Variants in PIEZO2 observed in about 807,000 individuals in gnomAD.
PIEZO2 encodes piezo type mechanosensitive ion channel component 2.
PIEZO2 carries 172 observed loss-of-function variants against 337.3 expected under a neutral mutation model. That is an observed-to-expected ratio of 0.51 (90% CI 0.45 to 0.58). The LOEUF (loss-of-function observed/expected upper bound fraction) is 0.58, where lower values mean the gene tolerates loss of function less well. Among genes scored for constraint, PIEZO2 ranks in the 20% least tolerant of loss-of-function variants. The pLI, the probability that PIEZO2 is intolerant of heterozygous loss-of-function variation, is 0.00. For synonymous variants in PIEZO2, 1,251 were observed against 1,228.5 expected, an observed-to-expected ratio of 1.02 and a Z score of -0.38; for missense variants, 3,028 against 3,391.3, an observed-to-expected ratio of 0.89 and a Z score of 2.66.
chr18:10,761,062 C>T lies in PIEZO2; in HGVS notation c.3299G>A (p.Arg1100His), dbSNP rs371576361. Residue 1100 changes from arginine (R) to histidine (H), a missense_variant, in exon 24 of 56, where the codon CGC (arginine) becomes CAC (histidine). Around this residue, in one of 5 missense-constraint regions of PIEZO2, gnomAD observed 1,925 missense variants for 2,051.9 expected, o/e 0.94. Coordinates refer to ENST00000674853, the MANE Select transcript of PIEZO2 (RefSeq NM_001378183.1). The stretch of plus-strand genomic sequence containing the variant: ...TCGACCTCGATAGTATTCCTGATGG[C>T]GGTAAATGGTGACTTCAAAGGCCAG... ...AILAFEVTIY[R>H]HQEYYRGRNN... The T allele has an allele frequency of 1.3e-4, 204 of 1,537,034 alleles. No homozygotes were observed. The highest frequency in any genetic ancestry group is 3.3e-4 in the Middle Eastern group (2 of 6,012).
rs1213420741 is a variant in PIEZO2, at chr18:11,027,569, T to C, written c.160+38558A>G. On this transcript the variant is annotated intron_variant, in intron 2 of 55. Transcript: ENST00000674853. The surrounding 1 kb of genome is among the most constrained non-coding windows in gnomAD (Gnocchi z 4.2). ...ATAATCTTTAACTTCACAATTCATC[T>C]GTATGCTTCTGTTTGGTTTTAACTG... 1.3e-5 allele frequency among the ~76,000 whole-genome samples: 2 copies of C among 152,238 alleles called. No individual in the cohort carries two copies. The highest frequency in any genetic ancestry group is 4.8e-5 in the African/African-American group (2 of 41,472).
At chr18:10,742,833 C>A (rs2037280239) in intron 31 of PIEZO2, among the ~76,000 whole-genome samples, 2 of 146,042 alleles carry the variant, frequency 1.4e-5, no homozygotes, top group South Asian at 4.4e-4. Flanking sequence ...TGTGTGTATT[C>A]CCATGTTATT....
intron 2 of PIEZO2, among the ~76,000 whole-genome samples, chr18:11,034,284 CA>C (rs1175766841): frequency 6.6e-6 from 1 of 151,636 alleles, no homozygotes; most frequent in Non-Finnish European, 1.5e-5. Context: ...TTAAATGTAT[CA>C]TTTCTTTTCT....
chr18:10,812,122 T>C (rs935945335), intron 7 of PIEZO2, among the ~76,000 whole-genome samples: 12 of 152,226 alleles, frequency 7.9e-5, no homozygotes, highest in African/African-American at 2.4e-4. Flanking sequence ...CGTGAGCCAC[T>C]GCGCCCGGCC....
At chr18:10,791,415 T>C in intron 13 of PIEZO2, 91 bp from the exon 14 acceptor site, 2 of 1,330,454 alleles carry the variant, frequency 1.5e-6, no homozygotes, top group South Asian at 3.1e-5. Context: ...CGCATTCCAG[T>C]GGGAGCACAA....
At chr18:10,681,542 T>A in intron 51 of PIEZO2, 119 bp downstream of exon 51, 1 of 771,568 alleles carries the variant, frequency 1.3e-6, no homozygotes, top group Non-Finnish European at 2.2e-6. Context: ...ATGTAACTGA[T>A]AAACCCTGAA....
chr18:10,727,027 G>A lies in PIEZO2; in HGVS notation c.5029+4380C>T. The A allele has an allele frequency of 1.4e-6, 1 of 738,224 alleles. No homozygotes were observed. Among genetic ancestry groups the A allele is most frequent in the Admixed American group, 3.1e-5 (1 of 32,594 alleles). 45.7% of individuals were successfully genotyped at this position (738,224 alleles called of 1,614,324 possible). A position where few individuals can be genotyped will look rare whatever the true frequency, so the allele number is the denominator to read the frequency against. ...GAAGCTGTTTGCTCTGTGCTTCCACGGTCTGGGTGTTTCTTGGGGGGTGTT... is the reference window on the plus strand; with the variant it reads ...GAAGCTGTTTGCTCTGTGCTTCCACAGTCTGGGTGTTTCTTGGGGGGTGTT... On this transcript the variant is annotated intron_variant, in intron 36 of 55. Coordinates refer to ENST00000674853, the MANE Select transcript of PIEZO2 (RefSeq NM_001378183.1). The surrounding 1 kb of genome is among the most constrained non-coding windows in gnomAD (Gnocchi z 6.3).
chr18:10,994,564 C>A (rs1471422347), intron 2 of PIEZO2, among the ~76,000 whole-genome samples: 5 of 151,608 alleles, frequency 3.3e-5, no homozygotes, highest in Admixed American at 6.6e-5. Context: ...TGCATGCCAC[C>A]ATGCCTAATT....
chr18:10,776,919 T>C (rs1396384510), intron 18 of PIEZO2, among the ~76,000 whole-genome samples: 1 of 152,226 alleles, frequency 6.6e-6, no homozygotes, highest in East Asian at 1.9e-4. Flanking sequence ...AAAGAACTTA[T>C]AAGACTTGTA....
rs143358954 is a variant in PIEZO2, at chr18:10,845,200, G to GTATA, written c.917+10149_917+10152dup. On this transcript the variant is annotated intron_variant, in intron 7 of 55. Transcript: ENST00000674853. ...AATTTTTCCCATTGTGTGTGTGTGT[G>GTATA]TATATATATATATAAACACACACAC... Among the ~76,000 whole-genome samples, 274 of 149,212 alleles carry GTATA rather than the reference G, an allele frequency of 1.8e-3. 3 individuals carry two copies. In the Middle Eastern group the frequency reaches 0.028, roughly 15 times the overall value.
intron 3 of PIEZO2, among the ~76,000 whole-genome samples, chr18:10,934,636 C>CGTGTGTGTGTGTGT (rs59190236): frequency 0.022 from 2,879 of 130,778 alleles, 84 homozygotes; most frequent in Admixed American, 0.047. Flanking sequence ...ATTGTGTGTA[C>CGTGTGTGTGTGTGT]GTGTGTGTGT....
At position 11,047,913 on chromosome 18, in the gene PIEZO2, AG is replaced by A; in HGVS notation, c.160+18213del. Among the ~76,000 whole-genome samples the A allele has an allele frequency of 6.6e-6, 1 of 152,336 alleles. No individual in the cohort carries two copies. The highest frequency in any genetic ancestry group is 6.5e-5 in the Admixed American group (1 of 15,298). The stretch of plus-strand genomic sequence containing the variant: ...AGAGTTAATGGCTGGCCAGGTTGCC[AG>A]GAAAGAGGAAAAACAGGCATCTTGA... On this transcript the variant is annotated intron_variant, in intron 2 of 55. Coordinates refer to ENST00000674853, the MANE Select transcript of PIEZO2 (RefSeq NM_001378183.1). The surrounding 1 kb of genome is among the most constrained non-coding windows in gnomAD (Gnocchi z 7.2).
chr18:11,061,960 G>A (rs1197890810), intron 2 of PIEZO2, among the ~76,000 whole-genome samples: 1 of 152,110 alleles, frequency 6.6e-6, no homozygotes, highest in African/African-American at 2.4e-5. Flanking sequence ...AGTCAATCCT[G>A]AGCCAAAAGA....
rs558883363 is a variant in PIEZO2 at position 11,027,894 on chromosome 18, A to T, written c.160+38233T>A. ...TTTTAACAGCAAAGTAAGCTTAAAGAAACAATTGTTAAATATACTAGAAGA... is the reference window on the plus strand; with the variant it reads ...TTTTAACAGCAAAGTAAGCTTAAAGTAACAATTGTTAAATATACTAGAAGA... On this transcript the variant is annotated intron_variant, in intron 2 of 55. Transcript: ENST00000674853. The surrounding 1 kb of genome is among the most constrained non-coding windows in gnomAD (Gnocchi z 4.2). Among the ~76,000 whole-genome samples the T allele has an allele frequency of 6.6e-6, 1 of 152,374 alleles. No homozygotes were observed. The highest frequency in any genetic ancestry group is 1.9e-4 in the East Asian group (1 of 5,180).
chr18:11,045,471 C>G (rs1006739891), intron 2 of PIEZO2, among the ~76,000 whole-genome samples: 2 of 152,138 alleles, frequency 1.3e-5, no homozygotes, highest in Non-Finnish European at 2.9e-5. Flanking sequence ...GAACCCTAGA[C>G]AGCACTTCAG....
chr18:10,949,789 A>T (rs560218556), intron 3 of PIEZO2, among the ~76,000 whole-genome samples: 2 of 152,320 alleles, frequency 1.3e-5, no homozygotes, highest in South Asian at 2.1e-4. Flanking sequence ...CATTCAGGAG[A>T]CTGACACACA....
At position 11,102,431 on chromosome 18, in the gene PIEZO2, T is replaced by A. The variant is rs965845537; in HGVS notation, c.65-36209A>T. ...GGCAAAACCCTGATCTGATTGAAGA[T>A]CGAATCTCACCCTGTCCCCCACCAG... On this transcript the variant is annotated intron_variant, in intron 1 of 55. Coordinates refer to ENST00000674853, the MANE Select transcript of PIEZO2 (RefSeq NM_001378183.1). The surrounding 1 kb of genome is among the most constrained non-coding windows in gnomAD (Gnocchi z 5.7). 1.3e-5 allele frequency among the ~76,000 whole-genome samples: 2 copies of A among 152,188 alleles called. No individual in the cohort carries two copies. The highest frequency in any genetic ancestry group is 4.8e-5 in the African/African-American group (2 of 41,448).
At chr18:10,785,305 G>T (rs1429507454) in intron 16 of PIEZO2, among the ~76,000 whole-genome samples, 1 of 152,070 alleles carries the variant, frequency 6.6e-6, no homozygotes, top group African/African-American at 2.4e-5. Context: ...ACCTCTAGAG[G>T]CTGAAATTTC....
intron 35 of PIEZO2, among the ~76,000 whole-genome samples, chr18:10,731,986 A>G (rs960515051): frequency 7.9e-5 from 12 of 152,338 alleles, no homozygotes; most frequent in African/African-American, 2.9e-4. Context: ...TCTGAATAAT[A>G]GCTATTACCA....
Sources: allele counts gnomAD v4.1 joint callset (sites outside exome capture counted in the v4.1 genomes callset), GRCh38; gene constraint gnomAD v4.1.1; regional missense constraint gnomAD v4.1.1; non-coding constraint Gnocchi (gnomAD v3.1); transcripts MANE v1.5; gene names NCBI Gene and HGNC (gene_info 2026-07-23, HGNC 2026-07-21).